PTPRD: variants seen among roughly 807,000 people sequenced by gnomAD.
PTPRD encodes the protein protein tyrosine phosphatase receptor type D.
PTPRD carries 34 observed loss-of-function variants against 214.5 expected under a neutral mutation model. The observed-to-expected ratio is 0.16, with a 90% CI of 0.12 to 0.21. The LOEUF (loss-of-function observed/expected upper bound fraction) is 0.21, where lower values mean the gene tolerates loss of function less well. Ranked by LOEUF, PTPRD falls within the 10% of genes least tolerant of loss-of-function variation. The pLI is 1.00. For missense variants in PTPRD, 2,545 were observed against 2,398.7 expected (o/e 1.06, Z -1.27); for synonymous variants, 1,128 against 845.7 (o/e 1.33, Z -5.79).
chr9:10,331,448 C>T (rs544910513), intron 3 of PTPRD, among the ~76,000 whole-genome samples: 101 of 151,968 alleles, frequency 6.6e-4, no homozygotes, highest in Non-Finnish European at 1.0e-3. Context: ...AAACCATTTC[C>T]CCATTCCCTG....
At chr9:10,236,322 C>T (rs2099628705) in intron 3 of PTPRD, among the ~76,000 whole-genome samples, 1 of 151,808 alleles carries the variant, frequency 6.6e-6, no homozygotes, top group African/African-American at 2.4e-5. Flanking sequence ...GTCATTTAGA[C>T]CAGGGAAAGA....
chr9:9,208,945 C>T (rs1203477511), intron 9 of PTPRD, among the ~76,000 whole-genome samples: 1 of 151,928 alleles, frequency 6.6e-6, no homozygotes, highest in African/African-American at 2.4e-5. Context: ...GTAGCTGGAA[C>T]CACAGGCGCC....
chr9:10,554,907 A>G lies in PTPRD; in HGVS notation c.-600+57491T>C, dbSNP rs1424770780. 2.6e-5 allele frequency among the ~76,000 whole-genome samples: 4 copies of G among 152,210 alleles called. No individual in the cohort carries two copies. In the East Asian group the frequency reaches 5.8e-4, roughly 22 times the overall value. ...GATCTCCTGACCTCGTGATCCGCCC[A>G]CCTGGGCCTCCCAAAGTGCTGGGAT... On this transcript the variant is annotated intron_variant, in intron 2 of 45. Coordinates refer to ENST00000381196, the MANE Select transcript of PTPRD (RefSeq NM_002839.4).
At chr9:9,830,505 T>C (rs1455037760) in intron 5 of PTPRD, among the ~76,000 whole-genome samples, 1 of 151,874 alleles carries the variant, frequency 6.6e-6, no homozygotes, top group Non-Finnish European at 1.5e-5. Flanking sequence ...CCTAGCATTG[T>C]AACATCTTTA....
chr9:10,553,735 AAGG>A (rs1220939756), intron 2 of PTPRD, among the ~76,000 whole-genome samples: 4 of 147,418 alleles, frequency 2.7e-5, no homozygotes, highest in Admixed American at 1.3e-4. Context: ...AGAGAGAGAG[AAGG>A]AGAAAGAACT....
At chr9:9,174,435 A>C (rs1223663512) in intron 10 of PTPRD, among the ~76,000 whole-genome samples, 1 of 152,186 alleles carries the variant, frequency 6.6e-6, no homozygotes, top group Admixed American at 6.6e-5. Flanking sequence ...AATCATTTAT[A>C]CATACTCCTA....
chr9:9,351,764 G>GC (rs1302679628), intron 9 of PTPRD, among the ~76,000 whole-genome samples: 8 of 152,034 alleles, frequency 5.3e-5, no homozygotes, highest in African/African-American at 1.9e-4. Context: ...AGGGTCAGGA[G>GC]CGTAGGCTAT....
At chr9:10,081,573 C>T (rs2098238158) in intron 3 of PTPRD, among the ~76,000 whole-genome samples, 1 of 152,028 alleles carries the variant, frequency 6.6e-6, no homozygotes, top group African/African-American at 2.4e-5. Context: ...AGAGGGCCCT[C>T]ACCGCAACCT....
At chr9:8,465,439 A>T (rs2096527796) in intron 32 of PTPRD, 27 bp downstream of exon 32, 1 of 1,596,350 alleles carries the variant, frequency 6.3e-7, no homozygotes, top group East Asian at 2.2e-5. Context: ...GTACCATAGG[A>T]AACAGATGCC....
At position 8,400,584 on chromosome 9, in the gene PTPRD, G is replaced by C. The variant is rs572553951; in HGVS notation, c.4210+3953C>G. Among the ~76,000 whole-genome samples, 142 of 152,296 alleles carry C rather than the reference G, an allele frequency of 9.3e-4. 1 individual carries two copies. In the Middle Eastern group the frequency reaches 0.014, roughly 15 times the overall value. ...TTTTTAGGCAAAAAGATAAGACTGA[G>C]CTTTTCCACCCATGCTAAGTGACTT... On this transcript the variant is annotated intron_variant, in intron 36 of 45. Transcript: ENST00000381196.
intron 2 of PTPRD, among the ~76,000 whole-genome samples, chr9:10,368,209 G>T (rs2097548586): frequency 6.6e-6 from 1 of 152,018 alleles, no homozygotes; most frequent in South Asian, 2.1e-4. Flanking sequence ...GTTGTTTTCA[G>T]TAGTGTATGT....
chr9:8,594,372 A>T (rs1046123502), intron 14 of PTPRD, among the ~76,000 whole-genome samples: 4 of 152,246 alleles, frequency 2.6e-5, no homozygotes, highest in African/African-American at 9.6e-5. Flanking sequence ...AGATCTCCTA[A>T]GAATCTGTAA....
Position 9,275,058 on chromosome 9 carries a change from TATATATATTATATATA to T in PTPRD, c.-202-91711_-202-91696del, listed in dbSNP as rs1331274476. 3.4e-3 allele frequency among the ~76,000 whole-genome samples: 223 copies of T among 65,596 alleles called. 7 individuals carry two copies. Among genetic ancestry groups the T allele is most frequent in the African/African-American group, 0.012 (209 of 17,040 alleles). 43.0% of individuals were successfully genotyped at this position (65,596 alleles called of 152,430 possible). A position where few individuals can be genotyped will look rare whatever the true frequency, so the allele number is the denominator to read the frequency against. ...CCCTTTGTTTCCATATATATATGTATATATATATTATATATATATATATAATATATATGTTATATAT... is the reference window on the plus strand; with the variant it reads ...CCCTTTGTTTCCATATATATATGTATTATATATAATATATATGTTATATAT... On this transcript the variant is annotated intron_variant, in intron 9 of 45. Coordinates refer to ENST00000381196, the MANE Select transcript of PTPRD (RefSeq NM_002839.4).
chr9:10,155,055 A>G (rs1303444041), intron 3 of PTPRD, among the ~76,000 whole-genome samples: 2 of 152,078 alleles, frequency 1.3e-5, no homozygotes, highest in Admixed American at 1.3e-4. Context: ...CATTTTAACA[A>G]TATTGATTTT....
intron 4 of PTPRD, among the ~76,000 whole-genome samples, chr9:10,016,437 A>G (rs938840197): frequency 6.6e-6 from 1 of 151,908 alleles, no homozygotes; most frequent in African/African-American, 2.4e-5. Flanking sequence ...CAGTATGCCA[A>G]GAAATATAGA....
intron 7 of PTPRD, among the ~76,000 whole-genome samples, chr9:9,668,868 C>T (rs374948502): frequency 2.0e-5 from 3 of 152,140 alleles, no homozygotes; most frequent in Non-Finnish European, 4.4e-5. Flanking sequence ...AACTGCACTC[C>T]GTGAGGCAGA....
intron 10 of PTPRD, among the ~76,000 whole-genome samples, chr9:9,038,845 C>A (rs185318001): frequency 6.6e-6 from 1 of 152,172 alleles, no homozygotes; most frequent in Non-Finnish European, 1.5e-5. Context: ...GCGTGAGCCA[C>A]CCCGCCCAGC....
chr9:8,417,998 T>C (rs1324914889), intron 35 of PTPRD, among the ~76,000 whole-genome samples: 1 of 152,186 alleles, frequency 6.6e-6, no homozygotes, highest in Non-Finnish European at 1.5e-5. Flanking sequence ...ATTATGTTGC[T>C]TCCTGTACTG....
At chr9:9,839,385 A>G (rs1200651962) in intron 5 of PTPRD, among the ~76,000 whole-genome samples, 3 of 152,204 alleles carry the variant, frequency 2.0e-5, no homozygotes, top group Admixed American at 2.0e-4. Context: ...TACAAAAATC[A>G]CAAGCATTCT....
Sources: gnomAD v4.1 joint callset for allele counts (sites outside exome capture counted in the v4.1 genomes callset) on GRCh38, gnomAD v4.1.1 for gene constraint, MANE v1.5 for transcripts, NCBI Gene and HGNC (gene_info 2026-07-23, HGNC 2026-07-21) for gene names.